The following CAMTA1 variants were observed in gnomAD, a reference collection of about 807,000 sequenced individuals.
CAMTA1 encodes the protein calmodulin-binding transcription activator 1.
Under a neutral mutation model 170.9 loss-of-function variants are expected in CAMTA1, and 27 were observed. The observed-to-expected ratio is 0.16, with a 90% confidence interval of 0.12 to 0.22. The LOEUF (loss-of-function observed/expected upper bound fraction) is 0.22, where lower values mean the gene tolerates loss of function less well. Among genes scored for constraint, CAMTA1 ranks in the 10% least tolerant of loss-of-function variants. The probability of loss-of-function intolerance (pLI) is 1.00; values close to 1 mark genes in which losing one functional copy is unlikely to be tolerated. For synonymous variants in CAMTA1, 833 were observed against 891.5 expected, an observed-to-expected ratio of 0.93 and a Z score of 1.17; for missense variants, 1,619 against 2,217.2, an observed-to-expected ratio of 0.73 and a Z score of 5.42.
Position 6,921,193 on chromosome 1 carries a change from A to G in CAMTA1, c.234+95983A>G, listed in dbSNP as rs570760040. Among the ~76,000 whole-genome samples, 26 of 152,350 alleles carry G rather than the reference A, an allele frequency of 1.7e-4. No individual in the cohort carries two copies. The South Asian group carries it at 5.2e-3, about 30-fold the overall frequency. On this transcript the variant is annotated intron_variant, in intron 3 of 22. Coordinates refer to ENST00000303635, the MANE Select transcript of CAMTA1 (RefSeq NM_015215.4). ...AAATTTCTTCTGCCAGATAACCTAA[A>G]TCATCTTTCTCAAGCTTGAAGTTCC...
At position 7,333,270 on chromosome 1, in the gene CAMTA1, T is replaced by C. The variant is rs1040750607; in HGVS notation, c.438+83644T>C. ...GTGATTATGAGCTTCCCTGTCGAGGTTGGGCTCTGCAAGCTTTGGCAATTG... is the reference window on the plus strand; with the variant it reads ...GTGATTATGAGCTTCCCTGTCGAGGCTGGGCTCTGCAAGCTTTGGCAATTG... On this transcript the variant is annotated intron_variant, in intron 5 of 22. Coordinates refer to ENST00000303635, the MANE Select transcript of CAMTA1 (RefSeq NM_015215.4). This position sits in a 1 kb window ranked among gnomAD's most constrained non-coding sequence, Gnocchi z 4.4. 1.3e-5 allele frequency among the ~76,000 whole-genome samples: 2 copies of C among 152,262 alleles called. No individual in the cohort carries two copies. The highest frequency in any genetic ancestry group is 2.4e-5 in the African/African-American group (1 of 41,548).
rs1169929252 is a variant in CAMTA1 at position 7,443,176 on chromosome 1, G to T, written c.439-24654G>T. Among the ~76,000 whole-genome samples, 3 of 152,196 alleles carry T rather than the reference G, an allele frequency of 2.0e-5. No homozygotes were observed. The highest frequency in any genetic ancestry group is 4.4e-5 in the Non-Finnish European group (3 of 68,030). On this transcript the variant is annotated intron_variant, in intron 5 of 22. Transcript: ENST00000303635. The surrounding 1 kb of genome is among the most constrained non-coding windows in gnomAD (Gnocchi z 4.1). ...ACGGCTGCAAAGCATAAGGCTTCGG[G>T]TTCCCAGCTCAGTCACACATAAGCT...
At chr1:6,837,347 G>A (rs754632964) in intron 3 of CAMTA1, among the ~76,000 whole-genome samples, 1 of 152,170 alleles carries the variant, frequency 6.6e-6, no homozygotes, top group African/African-American at 2.4e-5. Context: ...GTGTTGGGGA[G>A]TGGAGGCTGT....
chr1:7,314,669 T>C (rs1489151806), intron 5 of CAMTA1, among the ~76,000 whole-genome samples: 1 of 152,204 alleles, frequency 6.6e-6, no homozygotes, highest in Non-Finnish European at 1.5e-5. Context: ...TAAATCACCA[T>C]GTGACAAATG....
chr1:7,308,661 T>C (rs1675977419), intron 5 of CAMTA1, among the ~76,000 whole-genome samples: 1 of 152,246 alleles, frequency 6.6e-6, no homozygotes, highest in East Asian at 1.9e-4. Context: ...CTGTTATTGA[T>C]TTCTAAATTA....
At position 7,518,063 on chromosome 1, in the gene CAMTA1, G is replaced by A. The variant is rs190263090; in HGVS notation, c.510+50162G>A. On this transcript the variant is annotated intron_variant, in intron 6 of 22. Transcript: ENST00000303635. Reference sequence around the variant, plus strand: ...CACTGGGGGACAAGAGGACATATGAGTAGCTAAGTGGTGTCTGCCAGAGCT... The same window carrying A: ...CACTGGGGGACAAGAGGACATATGAATAGCTAAGTGGTGTCTGCCAGAGCT... Among the ~76,000 whole-genome samples the A allele has an allele frequency of 1.5e-4, 23 of 152,162 alleles. No individual in the cohort carries two copies. In the East Asian group the frequency reaches 4.3e-3, roughly 28 times the overall value.
At chr1:6,977,631 C>T (rs1480528821) in intron 3 of CAMTA1, among the ~76,000 whole-genome samples, 1 of 152,150 alleles carries the variant, frequency 6.6e-6, no homozygotes, top group African/African-American at 2.4e-5. Flanking sequence ...TGAGCCACTG[C>T]GCCCAGCCTG....
At chr1:7,428,875 T>C (rs1294639837) in intron 5 of CAMTA1, among the ~76,000 whole-genome samples, 1 of 152,210 alleles carries the variant, frequency 6.6e-6, no homozygotes, top group Non-Finnish European at 1.5e-5. Context: ...GGCACCACTG[T>C]AAGGGCTCAG....
intron 16 of CAMTA1, 71 bp from the exon 17 acceptor site, chr1:7,744,764 C>A (rs955112654): frequency 1.5e-6 from 2 of 1,353,170 alleles, no homozygotes; most frequent in Non-Finnish European, 2.0e-6. Context: ...CAAGGCGAGG[C>A]AGGGAGGTAG....
At chr1:6,903,343 T>G (rs1211666632) in intron 3 of CAMTA1, among the ~76,000 whole-genome samples, 1 of 152,234 alleles carries the variant, frequency 6.6e-6, no homozygotes, top group African/African-American at 2.4e-5. Context: ...TATACACTTC[T>G]TAAAACTCAT....
chr1:7,657,622 G>A (rs74053157), intron 7 of CAMTA1, among the ~76,000 whole-genome samples: 5,701 of 152,238 alleles, frequency 0.037, 349 homozygotes, highest in African/African-American at 0.13. Context: ...TTCATAAAGC[G>A]CTTTTTCCCT....
intron 3 of CAMTA1, among the ~76,000 whole-genome samples, chr1:6,998,656 C>T (rs1204365798): frequency 1.3e-5 from 2 of 152,244 alleles, no homozygotes; most frequent in Admixed American, 6.5e-5. Context: ...GTAAGAGCCA[C>T]GGAGGCAGCA....
At chr1:7,551,060 C>T (rs527532076) in intron 6 of CAMTA1, among the ~76,000 whole-genome samples, 3 of 152,154 alleles carry the variant, frequency 2.0e-5, no homozygotes, top group Non-Finnish European at 4.4e-5. Flanking sequence ...TCTGGGAAGG[C>T]GCAGGATTGG....
At chr1:7,606,567 G>T (rs1246341843) in intron 6 of CAMTA1, among the ~76,000 whole-genome samples, 1 of 152,228 alleles carries the variant, frequency 6.6e-6, no homozygotes, top group Non-Finnish European at 1.5e-5. Flanking sequence ...GTGGCCAAAA[G>T]AACTTCCCAA....
At chr1:6,881,747 C>G (rs925921142) in intron 3 of CAMTA1, among the ~76,000 whole-genome samples, 1 of 152,132 alleles carries the variant, frequency 6.6e-6, no homozygotes. Flanking sequence ...GTGGGCGGAT[C>G]TTGAGGTCAG....
chr1:7,427,789 G>C (rs889354348), intron 5 of CAMTA1, among the ~76,000 whole-genome samples: 5 of 152,184 alleles, frequency 3.3e-5, no homozygotes, highest in African/African-American at 9.7e-5. Flanking sequence ...CTGGTCCTCT[G>C]GGGGAGAGTG....
chr1:7,567,108 A>G (rs2095052740), intron 6 of CAMTA1, among the ~76,000 whole-genome samples: 1 of 152,184 alleles, frequency 6.6e-6, no homozygotes, highest in Admixed American at 6.5e-5. Flanking sequence ...AAGTGTGGAT[A>G]ATAACTCCAG....
chr1:6,921,330 C>G (rs1259902907), intron 3 of CAMTA1, among the ~76,000 whole-genome samples: 1 of 152,224 alleles, frequency 6.6e-6, no homozygotes, highest in Non-Finnish European at 1.5e-5. Context: ...CAACAAGTTT[C>G]TCATCTCCAT....
chr1:7,148,618 G>C (rs1214314659), intron 4 of CAMTA1, among the ~76,000 whole-genome samples: 1 of 152,206 alleles, frequency 6.6e-6, no homozygotes, highest in African/African-American at 2.4e-5. Context: ...TCCCATTGCA[G>C]TTGGATGTGG....
Sources: allele counts gnomAD v4.1 joint callset (sites outside exome capture counted in the v4.1 genomes callset), GRCh38; gene constraint gnomAD v4.1.1; non-coding constraint Gnocchi (gnomAD v3.1); transcripts MANE v1.5; gene names NCBI Gene and HGNC (gene_info 2026-07-23, HGNC 2026-07-21).